The following TRIO variants were observed in gnomAD, a reference collection of about 807,000 sequenced individuals.
TRIO encodes the protein trio Rho guanine nucleotide exchange factor, also known as triple functional domain protein.
A neutral mutation model predicts 351.9 loss-of-function variants in TRIO; 58 were observed. The ratio of observed to expected loss-of-function variants is 0.16; its 90% CI spans 0.13 to 0.21. The LOEUF (loss-of-function observed/expected upper bound fraction) is 0.21. Ranked by LOEUF, TRIO falls within the 10% of genes least tolerant of loss-of-function variation. The pLI, the probability that TRIO is intolerant of heterozygous loss-of-function variation, is 1.00. For missense variants in TRIO, 3,201 were observed against 4,027.8 expected (o/e 0.79, Z 5.56); for synonymous variants, 1,758 against 1,595.7 (o/e 1.10, Z -2.42).
At chr5:14,228,863 T>TC (rs1277452296) in intron 1 of TRIO, among the ~76,000 whole-genome samples, 2 of 151,690 alleles carry the variant, frequency 1.3e-5, no homozygotes, top group African/African-American at 4.9e-5. Context: ...AGAGTGAGAC[T>TC]CCATCTCAAA....
At chr5:14,184,272 G>A (rs957891174) in intron 1 of TRIO, among the ~76,000 whole-genome samples, 2 of 152,220 alleles carry the variant, frequency 1.3e-5, no homozygotes, top group Non-Finnish European at 2.9e-5. Flanking sequence ...AGCACTGTGC[G>A]CTGTTTGTGT....
chr5:14,428,738 A>G (rs1284255137), intron 34 of TRIO, among the ~76,000 whole-genome samples: 1 of 152,258 alleles, frequency 6.6e-6, no homozygotes, highest in African/African-American at 2.4e-5. Context: ...TTAGATCATC[A>G]CAAAATTATA....
chr5:14,435,051 C>G (rs1751472125), intron 34 of TRIO, among the ~76,000 whole-genome samples: 1 of 152,200 alleles, frequency 6.6e-6, no homozygotes, highest in Admixed American at 6.5e-5. Context: ...GAGACGTCTC[C>G]CTGTCGGTGT....
intron 1 of TRIO, among the ~76,000 whole-genome samples, chr5:14,225,792 A>T (rs868217406): frequency 1.3e-5 from 1 of 78,112 alleles, no homozygotes; most frequent in Non-Finnish European, 2.5e-5. Flanking sequence ...CACTGCTCCC[A>T]CCCCCCCCCC....
chr5:14,491,214 C>T (rs986600092), intron 48 of TRIO, among the ~76,000 whole-genome samples: 1 of 152,192 alleles, frequency 6.6e-6, no homozygotes, highest in Non-Finnish European at 1.5e-5. Context: ...TCCTTTTGGC[C>T]AGCTACAGCA....
At chr5:14,330,724 T>C (rs1228979386) in intron 9 of TRIO, 54 bp from the exon 10 acceptor site, 5 of 1,590,560 alleles carry the variant, frequency 3.1e-6, no homozygotes, top group South Asian at 1.1e-5. Flanking sequence ...ACCTTAAACA[T>C]TGAACATGGC....
At chr5:14,359,605 G>T (rs1190126267) in intron 13 of TRIO, 74 bp downstream of exon 13, 9 of 1,545,630 alleles carry the variant, frequency 5.8e-6, no homozygotes, top group Admixed American at 3.6e-5. Context: ...GCGCCCTCTT[G>T]TCTCTGCCCT....
intron 2 of TRIO, among the ~76,000 whole-genome samples, chr5:14,278,322 T>C (rs1353858346): frequency 6.6e-6 from 1 of 152,240 alleles, no homozygotes; most frequent in Non-Finnish European, 1.5e-5. Flanking sequence ...TGGCAGATTT[T>C]GGATTCTGCT....
chr5:14,182,369 T>C (rs919222971), intron 1 of TRIO, among the ~76,000 whole-genome samples: 5 of 152,240 alleles, frequency 3.3e-5, no homozygotes, highest in African/African-American at 1.2e-4. Flanking sequence ...GCTCACTCTT[T>C]AGAGATGCTT....
chr5:14,244,486 C>G (rs1428249726), intron 1 of TRIO, among the ~76,000 whole-genome samples: 2 of 152,118 alleles, frequency 1.3e-5, no homozygotes, highest in Non-Finnish European at 2.9e-5. Flanking sequence ...CACCTTATGG[C>G]CAGTTTTTCC....
At chr5:14,455,276 T>C (rs1278266114) in intron 34 of TRIO, among the ~76,000 whole-genome samples, 1 of 152,206 alleles carries the variant, frequency 6.6e-6, no homozygotes. Flanking sequence ...ATTCGCCGAT[T>C]TTACAGAGAG....
intron 1 of TRIO, among the ~76,000 whole-genome samples, chr5:14,269,924 T>C (rs908779246): frequency 2.0e-5 from 3 of 152,222 alleles, no homozygotes; most frequent in African/African-American, 7.2e-5. Flanking sequence ...CAGTGTTAGT[T>C]ACTAGTTTTG....
chr5:14,377,482 G>A (rs1745663411), intron 19 of TRIO, among the ~76,000 whole-genome samples: 1 of 151,974 alleles, frequency 6.6e-6, no homozygotes, highest in African/African-American at 2.4e-5. Flanking sequence ...CTGACCTCAG[G>A]TGATCCACCC....
chr5:14,494,492 G>A (rs1579826272), intron 49 of TRIO, among the ~76,000 whole-genome samples: 3 of 152,338 alleles, frequency 2.0e-5, no homozygotes, highest in African/African-American at 7.2e-5. Context: ...TCACCCAAGA[G>A]CTCCGATGGA....
intron 34 of TRIO, among the ~76,000 whole-genome samples, chr5:14,430,016 G>A (rs1319869447): frequency 6.6e-6 from 1 of 152,046 alleles, no homozygotes; most frequent in East Asian, 1.9e-4. Flanking sequence ...GCTGGGATCA[G>A]TTTGTTCACT....
At chr5:14,230,754 A>G (rs1183151800) in intron 1 of TRIO, among the ~76,000 whole-genome samples, 1 of 152,108 alleles carries the variant, frequency 6.6e-6, no homozygotes, top group African/African-American at 2.4e-5. Context: ...TGCTGTTTCA[A>G]GATATTGGTG....
At chr5:14,390,605 G>A in intron 26 of TRIO, 1 of 529,154 alleles carries the variant, frequency 1.9e-6, no homozygotes, top group Non-Finnish European at 3.3e-6. Context: ...CTAGAGGGGA[G>A]GCAGACAGGT....
At position 14,507,963 on chromosome 5, in the gene TRIO, G is replaced by C. The variant is rs147521780; in HGVS notation, c.8835G>C (p.Thr2945=). 4 of 1,614,132 alleles carry C rather than the reference G, an allele frequency of 2.5e-6. No individual in the cohort carries two copies. The highest frequency in any genetic ancestry group is 2.7e-5 in the African/African-American group (2 of 75,016). Residue 2945 remains threonine (T), a synonymous_variant, in exon 57 of 57, where the codon ACG becomes ACC. Coordinates refer to ENST00000344204, the MANE Select transcript of TRIO (RefSeq NM_007118.4). ...ADFGDAVQLN[T]TYYIHQLLGN... is the part of the protein sequence containing the mutation. ...TTGGAGATGCTGTTCAGCTCAACAC[G>C]ACCTACTACATCCACCAGTTACTGG... is the stretch of plus-strand genomic sequence containing the variant.
chr5:14,462,857 G>T lies in TRIO; in HGVS notation c.5599G>T (p.Val1867Leu). 6.2e-7 allele frequency: 1 copy of T among 1,612,934 alleles called. No homozygotes were observed. The highest frequency in any genetic ancestry group is 1.1e-5 in the South Asian group (1 of 90,950). The part of the protein sequence containing the change: ...EEEGEEGADA[V>L]PLPPPMAIQQ... ...GGAAGGCGAGGAGGGGGCCGACGCC[G>T]TGCCCCTGCCGCCACCCATGGCCAT... The change falls in exon 36 of 57, where the codon GTG becomes TTG. Residue 1867 changes from valine to leucine, a missense_variant. Val to Leu is a conservative substitution (Grantham distance 32). Transcript: ENST00000344204.
Sources: allele counts gnomAD v4.1 joint callset (sites outside exome capture counted in the v4.1 genomes callset), GRCh38; gene constraint gnomAD v4.1.1; transcripts MANE v1.5; gene names NCBI Gene and HGNC (gene_info 2026-07-23, HGNC 2026-07-21).